ZNF148: variants seen among roughly 807,000 people sequenced by gnomAD.
The protein encoded by ZNF148 is zinc finger protein 148, also known as Beta-Enolase Repressor Factor-1.
A neutral mutation model predicts 67.7 loss-of-function variants in ZNF148; 7 were observed. The ratio of observed to expected loss-of-function variants is 0.10; its 90% CI spans 0.06 to 0.19. ZNF148 has a LOEUF of 0.19. Among genes scored for constraint, ZNF148 ranks in the 10% least tolerant of loss-of-function variants. The pLI is 1.00. For synonymous variants in ZNF148, 333 were observed against 330.7 expected, an observed-to-expected ratio of 1.01 and a Z score of -0.08; for missense variants, 583 against 947.1, an observed-to-expected ratio of 0.62 and a Z score of 5.05.
intron 2 of ZNF148, among the ~76,000 whole-genome samples, chr3:125,327,207 C>A (rs9844360): frequency 6.6e-6 from 1 of 152,006 alleles, no homozygotes; most frequent in Non-Finnish European, 1.5e-5. Flanking sequence ...ATATAATAAC[C>A]GTGTATGCAC....
chr3:125,358,307 CA>C (rs1942431216), intron 1 of ZNF148, among the ~76,000 whole-genome samples: 1 of 151,566 alleles, frequency 6.6e-6, no homozygotes, highest in African/African-American at 2.4e-5. Flanking sequence ...AGCAAGATGC[CA>C]TCTCAAAAAA....
At chr3:125,251,960 A>G (rs1487421629) in intron 7 of ZNF148, among the ~76,000 whole-genome samples, 1 of 152,102 alleles carries the variant, frequency 6.6e-6, no homozygotes, top group African/African-American at 2.4e-5. Context: ...TACCACCTGT[A>G]TTTTTCATTT....
At chr3:125,324,818 T>G (rs1940949539) in intron 2 of ZNF148, among the ~76,000 whole-genome samples, 1 of 152,200 alleles carries the variant, frequency 6.6e-6, no homozygotes, top group South Asian at 2.1e-4. Flanking sequence ...ATTTCAACAG[T>G]TTATATATTT....
intron 7 of ZNF148, among the ~76,000 whole-genome samples, chr3:125,274,345 T>C (rs1168941271): frequency 2.0e-5 from 3 of 152,072 alleles, no homozygotes; most frequent in African/African-American, 7.3e-5. Context: ...AAATATAATA[T>C]TCACAAAAAA....
chr3:125,362,500 T>C (rs1942573759), intron 1 of ZNF148, among the ~76,000 whole-genome samples: 1 of 152,028 alleles, frequency 6.6e-6, no homozygotes, highest in Non-Finnish European at 1.5e-5. Flanking sequence ...AACTAAAAAA[T>C]CTATGTTCCA....
intron 7 of ZNF148, among the ~76,000 whole-genome samples, chr3:125,257,558 T>TTA (rs1553808760): frequency 5.4e-5 from 5 of 92,350 alleles, no homozygotes; most frequent in Non-Finnish European, 9.9e-5. Flanking sequence ...CCGTCTCTAT[T>TTA]AAAAAAAAAA....
chr3:125,355,160 C>G (rs1206368367), intron 1 of ZNF148, among the ~76,000 whole-genome samples: 2 of 152,144 alleles, frequency 1.3e-5, no homozygotes, highest in Non-Finnish European at 2.9e-5. Flanking sequence ...TACTTCATAA[C>G]CTTTGACCCA....
At chr3:125,312,371 A>G (rs1259534045) in intron 4 of ZNF148, among the ~76,000 whole-genome samples, 8 of 152,248 alleles carry the variant, frequency 5.3e-5, no homozygotes, top group Non-Finnish European at 1.0e-4. Context: ...TGTATGTATC[A>G]GAGCACAACT....
At chr3:125,314,907 C>A (rs1233984717) in intron 3 of ZNF148, 1 of 152,048 alleles carries the variant, frequency 6.6e-6, no homozygotes, top group Non-Finnish European at 1.5e-5. Flanking sequence ...AATAAAAATA[C>A]AATAATGAGC....
intron 5 of ZNF148, among the ~76,000 whole-genome samples, chr3:125,281,985 G>A (rs891409063): frequency 1.9e-4 from 29 of 152,262 alleles, no homozygotes; most frequent in African/African-American, 7.0e-4. Context: ...GGTATCTGGA[G>A]CATAGTGGAG....
At chr3:125,238,534 A>C (rs58584474) in intron 7 of ZNF148, among the ~76,000 whole-genome samples, 258 of 152,258 alleles carry the variant, frequency 1.7e-3, no homozygotes, top group African/African-American at 5.4e-3. Context: ...AGGCTGAGGC[A>C]GGAGAATCAC....
chr3:125,238,263 A>C (rs1936184572), intron 7 of ZNF148, among the ~76,000 whole-genome samples: 1 of 152,220 alleles, frequency 6.6e-6, no homozygotes, highest in Non-Finnish European at 1.5e-5. Context: ...CAGCACAAGC[A>C]AACAAAAAAT....
At chr3:125,339,926 A>T (rs1265477495) in intron 1 of ZNF148, among the ~76,000 whole-genome samples, 3 of 152,178 alleles carry the variant, frequency 2.0e-5, no homozygotes, top group Non-Finnish European at 4.4e-5. Context: ...TCAATGCTGA[A>T]ATAACTGCCT....
At chr3:125,317,686 T>C (rs369579251) in intron 3 of ZNF148, among the ~76,000 whole-genome samples, 1 of 33,736 alleles carries the variant, frequency 3.0e-5, no homozygotes, top group African/African-American at 1.4e-4. Flanking sequence ...GAGAAATACA[T>C]ATACACACAC....
chr3:125,299,556 C>T (rs1939476519), intron 4 of ZNF148, among the ~76,000 whole-genome samples: 1 of 152,092 alleles, frequency 6.6e-6, no homozygotes, highest in Non-Finnish European at 1.5e-5. Context: ...CTTCTACCAA[C>T]AATTCATGTC....
At chr3:125,351,225 A>C (rs773198358) in intron 1 of ZNF148, among the ~76,000 whole-genome samples, 1 of 152,094 alleles carries the variant, frequency 6.6e-6, no homozygotes, top group Non-Finnish European at 1.5e-5. Flanking sequence ...TAATTTAAAA[A>C]TTTAAAATTA....
intron 2 of ZNF148, among the ~76,000 whole-genome samples, chr3:125,330,549 C>T (rs1248146280): frequency 1.3e-5 from 2 of 150,136 alleles, no homozygotes; most frequent in East Asian, 2.0e-4. Flanking sequence ...ATGATCAGGC[C>T]GGGTACAGTG....
chr3:125,374,711 G>T (rs1404227260), intron 1 of ZNF148, among the ~76,000 whole-genome samples: 1 of 151,980 alleles, frequency 6.6e-6, no homozygotes, highest in Admixed American at 6.6e-5. Flanking sequence ...ATAAAGCACT[G>T]CACCAGGCAC....
chr3:125,241,948 G>GA (rs1258150277), intron 7 of ZNF148, among the ~76,000 whole-genome samples: 2 of 152,160 alleles, frequency 1.3e-5, no homozygotes, highest in East Asian at 3.9e-4. Flanking sequence ...TCTAATAGGT[G>GA]AAAAAACATT....
Sources: allele counts gnomAD v4.1 joint callset (sites outside exome capture counted in the v4.1 genomes callset), GRCh38; gene constraint gnomAD v4.1.1; transcripts MANE v1.5; gene names NCBI Gene and HGNC (gene_info 2026-07-23, HGNC 2026-07-21).